HSF2: variants seen among roughly 807,000 people sequenced by gnomAD.
The protein encoded by HSF2 is heat shock transcription factor 2.
A neutral mutation model predicts 65.0 loss-of-function variants in HSF2; 21 were observed. That is an observed-to-expected ratio of 0.32 (90% CI 0.23 to 0.47). HSF2 has a LOEUF of 0.47. Ranked by LOEUF, HSF2 falls within the 20% of genes least tolerant of loss-of-function variation. The pLI, the probability that HSF2 is intolerant of heterozygous loss-of-function variation, is 1.00. For synonymous variants in HSF2, 225 were observed against 219.1 expected (o/e 1.03, Z -0.24); for missense variants, 499 against 628.1 (o/e 0.79, Z 2.20).
At position 122,431,529 on chromosome 6, in the gene HSF2, A is replaced by G. The variant is rs778985598; in HGVS notation, c.1315+15A>G. 28 of 1,428,636 alleles carry G rather than the reference A, an allele frequency of 2.0e-5. 1 individual carries two copies. The South Asian group carries it at 2.5e-4, about 13-fold the overall frequency. 88.5% of individuals were successfully genotyped at this position (1,428,636 alleles called of 1,614,324 possible). A position where few individuals can be genotyped will look rare whatever the true frequency, so the allele number is the denominator to read the frequency against. On this transcript the variant is annotated intron_variant, in intron 12 of 12. Coordinates refer to ENST00000368455, the MANE Select transcript of HSF2 (RefSeq NM_004506.4). ...ATCCAAACCAGGTAGGTATAAATAT[A>G]GTATTCAGTCTCTGTAGGTTTTTTT...
rs755153574 is a variant in HSF2 at position 122,399,727 on chromosome 6, C to G, written c.-11C>G. The G allele has an allele frequency of 3.1e-6, 5 of 1,608,144 alleles. No individual in the cohort carries two copies. The highest frequency in any genetic ancestry group is 1.7e-5 in the Admixed American group (1 of 59,612). On this transcript the variant is annotated 5_prime_UTR_variant, in exon 1 of 13. Transcript: ENST00000368455. ...GGGTGTAGAATTTGGAATCCCTGCGCCGCGTTAACAATGAAGCAGAGTTCG... is the reference window on the plus strand; with the variant it reads ...GGGTGTAGAATTTGGAATCCCTGCGGCGCGTTAACAATGAAGCAGAGTTCG...
intron 9 of HSF2, among the ~76,000 whole-genome samples, chr6:122,423,231 A>G (rs1774274685): frequency 6.6e-6 from 1 of 152,180 alleles, no homozygotes; most frequent in Non-Finnish European, 1.5e-5. Context: ...GTGTATCCAA[A>G]CTACAGAATA....
intron 4 of HSF2, among the ~76,000 whole-genome samples, chr6:122,414,719 C>T (rs748636149): frequency 1.4e-4 from 22 of 152,214 alleles, no homozygotes; most frequent in African/African-American, 4.3e-4. Context: ...CTCCGCCTGC[C>T]GGTTCAAGCG....
chr6:122,418,382 AG>A (rs546911023), intron 5 of HSF2, among the ~76,000 whole-genome samples: 29 of 152,320 alleles, frequency 1.9e-4, no homozygotes, highest in African/African-American at 6.5e-4. Flanking sequence ...GCAGTTCTGT[AG>A]TAGGATTGAG....
At chr6:122,414,801 G>C (rs1004563249) in intron 4 of HSF2, among the ~76,000 whole-genome samples, 1 of 152,080 alleles carries the variant, frequency 6.6e-6, no homozygotes, top group Non-Finnish European at 1.5e-5. Context: ...ATTTTTAGTA[G>C]AGATGGGGTT....
intron 1 of HSF2, among the ~76,000 whole-genome samples, chr6:122,402,869 AG>A (rs1173344382): frequency 1.3e-5 from 2 of 152,032 alleles, no homozygotes; most frequent in African/African-American, 4.8e-5. Context: ...ATCTTTTGAA[AG>A]TTGCTATTTA....
intron 8 of HSF2, 121 bp from the exon 9 acceptor site, chr6:122,422,597 C>T: frequency 1.9e-6 from 2 of 1,025,682 alleles, no homozygotes; most frequent in Non-Finnish European, 2.9e-6. Context: ...GCTGCTCGCT[C>T]AAGAAATTTA....
chr6:122,430,720 C>T (rs192929003), intron 11 of HSF2, among the ~76,000 whole-genome samples: 1 of 151,924 alleles, frequency 6.6e-6, no homozygotes, highest in East Asian at 1.9e-4. Context: ...ATGTCTGGGA[C>T]TTACAGGAAA....
chr6:122,410,870 G>A (rs76397047), intron 1 of HSF2, among the ~76,000 whole-genome samples: 87 of 150,918 alleles, frequency 5.8e-4, no homozygotes, highest in African/African-American at 2.0e-3. Flanking sequence ...ATGCTACTGT[G>A]AACATGGGGT....
intron 1 of HSF2, among the ~76,000 whole-genome samples, chr6:122,402,052 G>A (rs1773745502): frequency 6.6e-6 from 1 of 152,148 alleles, no homozygotes; most frequent in South Asian, 2.1e-4. Flanking sequence ...TTGCAATTTT[G>A]CTTTTAAGCT....
At chr6:122,423,015 G>A (rs936717270) in intron 9 of HSF2, 58 bp downstream of exon 9, 4 of 1,577,638 alleles carry the variant, frequency 2.5e-6, no homozygotes, top group Non-Finnish European at 2.6e-6. Context: ...CACTTCACAT[G>A]TTCTGTTTCT....
intron 1 of HSF2, among the ~76,000 whole-genome samples, chr6:122,407,283 A>G (rs1336634490): frequency 1.3e-5 from 2 of 152,116 alleles, no homozygotes; most frequent in Admixed American, 6.6e-5. Flanking sequence ...AGGTCTGTAC[A>G]CTCATGTGAC....
Position 122,422,843 on chromosome 6 carries a change from G to A in HSF2, c.956G>A (p.Ser319Asn). 1 of 1,613,778 alleles carries A rather than the reference G, an allele frequency of 6.2e-7. No individual in the cohort carries two copies. Residue 319 changes from serine (S) to asparagine (N), a missense_variant, in exon 9 of 13, where the codon AGC becomes AAC. This residue lies in a region of HSF2 where 349 missense variants were observed against 393.5 expected (regional missense o/e 0.89). Transcript: ENST00000368455. ...TCCCTAAGTTCAGGCAGTGATGGCAGCAGCCCTCTCATGTCTAGTGCTGTC... is the reference window on the plus strand; with the variant it reads ...TCCCTAAGTTCAGGCAGTGATGGCAACAGCCCTCTCATGTCTAGTGCTGTC... ...RESLSSGSDGSSPLMSSAVQL... is the reference protein window; with the variant it reads ...RESLSSGSDGNSPLMSSAVQL...
intron 12 of HSF2, 27 bp from the exon 13 acceptor site, chr6:122,431,898 A>G: frequency 6.3e-7 from 1 of 1,591,668 alleles, no homozygotes; most frequent in Non-Finnish European, 8.6e-7. Flanking sequence ...AGCTGGTGAT[A>G]AAAGAGTGTT....
chr6:122,419,543 A>G (rs977985338), intron 6 of HSF2, among the ~76,000 whole-genome samples: 1 of 152,134 alleles, frequency 6.6e-6, no homozygotes, highest in Non-Finnish European at 1.5e-5. Context: ...AAATTTTTAA[A>G]AAGAGGCCAT....
intron 1 of HSF2, among the ~76,000 whole-genome samples, chr6:122,402,183 G>A (rs1773753125): frequency 6.6e-6 from 1 of 152,200 alleles, no homozygotes; most frequent in African/African-American, 2.4e-5. Flanking sequence ...TGAGCTCCCA[G>A]ATCAGTCTTC....
At chr6:122,425,620 T>C (rs1011371324) in intron 10 of HSF2, among the ~76,000 whole-genome samples, 1 of 152,018 alleles carries the variant, frequency 6.6e-6, no homozygotes, top group South Asian at 2.1e-4. Context: ...TTAGAGGTGC[T>C]GTACTTTTTT....
Position 122,419,156 on chromosome 6 carries a change from TA to T in HSF2, c.532-11del, listed in dbSNP as rs768321049. 1.2e-5 allele frequency: 16 copies of T among 1,318,516 alleles called. No homozygotes were observed. Among genetic ancestry groups the T allele is most frequent in the East Asian group, 2.3e-5 (1 of 43,002 alleles). The allele number at this position is 1,318,516 out of a possible 1,614,324, so 81.7% of individuals were successfully genotyped here. On this transcript the variant is annotated splice_polypyrimidine_tract_variant and intron_variant, in intron 5 of 12. Coordinates refer to ENST00000368455, the MANE Select transcript of HSF2 (RefSeq NM_004506.4). ...AGTATAATGAAATAATTTTTGTTTA[TA>T]TTTTTTTCAGATTGTCCAGTTTATT...
At chr6:122,423,002 G>T in intron 9 of HSF2, 45 bp downstream of exon 9, 1 of 1,600,614 alleles carries the variant, frequency 6.2e-7, no homozygotes, top group Non-Finnish European at 8.6e-7. Context: ...TGCTTTCTTT[G>T]TTCACTTCAC....
Sources: allele counts gnomAD v4.1 joint callset (sites outside exome capture counted in the v4.1 genomes callset), GRCh38; gene constraint gnomAD v4.1.1; regional missense constraint gnomAD v4.1.1; transcripts MANE v1.5; gene names NCBI Gene and HGNC (gene_info 2026-07-23, HGNC 2026-07-21).